The following PLPPR1 variants were observed in gnomAD, a reference collection of about 807,000 sequenced individuals.
PLPPR1 encodes phospholipid phosphatase related 1.
A neutral mutation model predicts 33.1 loss-of-function variants in PLPPR1; 10 were observed. That is an observed-to-expected ratio of 0.30 (90% CI 0.19 to 0.51). The LOEUF is 0.51. Ranked by LOEUF, PLPPR1 falls within the 20% of genes least tolerant of loss-of-function variation. The pLI, the probability that PLPPR1 is intolerant of heterozygous loss-of-function variation, is 0.97. For synonymous variants in PLPPR1, 151 were observed against 151.0 expected, an observed-to-expected ratio of 1.00 and a Z score of 0.00; for missense variants, 304 against 408.1, an observed-to-expected ratio of 0.74 and a Z score of 2.20.
intron 1 of PLPPR1, among the ~76,000 whole-genome samples, chr9:101,088,064 A>G (rs1830699828): frequency 6.6e-6 from 1 of 152,296 alleles, no homozygotes; most frequent in African/African-American, 2.4e-5. Flanking sequence ...GAGGACCCTT[A>G]CTGATAGTTT....
At chr9:101,037,668 C>T (rs1830026492) in intron 1 of PLPPR1, among the ~76,000 whole-genome samples, 1 of 152,168 alleles carries the variant, frequency 6.6e-6, no homozygotes, top group Admixed American at 6.5e-5. Flanking sequence ...AGGCAACCCA[C>T]ACACTCAAAT....
rs574199629 is a variant in PLPPR1, at chr9:101,235,149, A to G, written c.64-34731A>G. On this transcript the variant is annotated intron_variant, in intron 2 of 7. Coordinates refer to ENST00000374874, the MANE Select transcript of PLPPR1 (RefSeq NM_207299.2). ...GAAAAATTGTGGGTCTTGTGTGTCT[A>G]AGGTAAACAAGTGCAGCTCTTTAGC... 1.1e-4 allele frequency among the ~76,000 whole-genome samples: 16 copies of G among 152,014 alleles called. 1 individual carries two copies. In the South Asian group the frequency reaches 3.3e-3, roughly 31 times the overall value.
intron 1 of PLPPR1, among the ~76,000 whole-genome samples, chr9:101,069,955 G>A (rs1830463242): frequency 6.6e-6 from 1 of 152,192 alleles, no homozygotes; most frequent in East Asian, 1.9e-4. Flanking sequence ...TATGGGTTTT[G>A]GGGAGGAAAA....
intron 1 of PLPPR1, among the ~76,000 whole-genome samples, chr9:101,080,365 T>G (rs1283114060): frequency 6.6e-6 from 1 of 151,910 alleles, no homozygotes; most frequent in Admixed American, 6.6e-5. Context: ...TTTACAAAAA[T>G]TAGCAAGGCA....
chr9:101,217,938 T>C (rs1327364587), intron 2 of PLPPR1, among the ~76,000 whole-genome samples: 2 of 152,132 alleles, frequency 1.3e-5, no homozygotes, highest in Non-Finnish European at 2.9e-5. Context: ...GGAAAACATT[T>C]GAAGAACACA....
intron 1 of PLPPR1, among the ~76,000 whole-genome samples, chr9:101,043,270 C>T (rs1161861490): frequency 6.6e-6 from 1 of 151,252 alleles, no homozygotes; most frequent in African/African-American, 2.4e-5. Flanking sequence ...AGTATTCCAT[C>T]ATATATATAT....
At chr9:101,278,595 G>C (rs961226398) in intron 3 of PLPPR1, among the ~76,000 whole-genome samples, 1 of 152,180 alleles carries the variant, frequency 6.6e-6, no homozygotes, top group Non-Finnish European at 1.5e-5. Context: ...AGAGGGGTGT[G>C]AGAACAGGAC....
intron 2 of PLPPR1, among the ~76,000 whole-genome samples, chr9:101,240,478 T>C (rs1350611104): frequency 1.3e-5 from 2 of 151,978 alleles, no homozygotes; most frequent in Non-Finnish European, 2.9e-5. Context: ...CATCTGTGGA[T>C]TTCTTTGGGT....
intron 1 of PLPPR1, among the ~76,000 whole-genome samples, chr9:101,063,407 C>T (rs144229382): frequency 2.0e-5 from 3 of 152,058 alleles, no homozygotes; most frequent in Non-Finnish European, 2.9e-5. Flanking sequence ...GTTGTGAGTA[C>T]CCTTCTAGTG....
intron 1 of PLPPR1, among the ~76,000 whole-genome samples, chr9:101,118,792 G>A (rs903805281): frequency 6.6e-6 from 1 of 152,008 alleles, no homozygotes; most frequent in African/African-American, 2.4e-5. Context: ...TTGCCACATC[G>A]TGACTTATTT....
chr9:101,233,508 A>G (rs1827231644), intron 2 of PLPPR1, among the ~76,000 whole-genome samples: 1 of 151,968 alleles, frequency 6.6e-6, no homozygotes. Flanking sequence ...CAAAATTCAT[A>G]GTGAAATTTA....
At chr9:101,133,303 T>G (rs906402367) in intron 1 of PLPPR1, among the ~76,000 whole-genome samples, 5 of 152,006 alleles carry the variant, frequency 3.3e-5, no homozygotes, top group African/African-American at 1.2e-4. Context: ...TCTAATTATT[T>G]CCCCTGAGTT....
intron 1 of PLPPR1, among the ~76,000 whole-genome samples, chr9:101,033,722 A>C (rs1464387326): frequency 6.6e-6 from 1 of 152,164 alleles, no homozygotes; most frequent in Non-Finnish European, 1.5e-5. Context: ...AATCCTATTT[A>C]ATCTTGACAA....
intron 1 of PLPPR1, among the ~76,000 whole-genome samples, chr9:101,035,044 A>T (rs1829993045): frequency 6.6e-6 from 1 of 152,142 alleles, no homozygotes; most frequent in Non-Finnish European, 1.5e-5. Context: ...TAGTCTTTGC[A>T]CCTTCAGGCT....
At chr9:101,077,926 C>G (rs990195691) in intron 1 of PLPPR1, among the ~76,000 whole-genome samples, 2 of 151,218 alleles carry the variant, frequency 1.3e-5, no homozygotes, top group African/African-American at 4.9e-5. Flanking sequence ...AGACCTTTCA[C>G]TTTTATATGT....
intron 1 of PLPPR1, among the ~76,000 whole-genome samples, chr9:101,067,613 C>G (rs1003640430): frequency 6.6e-6 from 1 of 151,948 alleles, no homozygotes; most frequent in African/African-American, 2.4e-5. Flanking sequence ...TTTATTCTGC[C>G]GAGAGAGGTC....
chr9:101,154,084 T>C (rs1831639637), intron 1 of PLPPR1, among the ~76,000 whole-genome samples: 1 of 152,158 alleles, frequency 6.6e-6, no homozygotes, highest in Admixed American at 6.5e-5. Context: ...TGGATAAGCT[T>C]TTTGATGTGC....
intron 4 of PLPPR1, among the ~76,000 whole-genome samples, chr9:101,299,476 T>C (rs1338991703): frequency 1.3e-5 from 2 of 152,180 alleles, no homozygotes; most frequent in Non-Finnish European, 1.5e-5. Context: ...CTCTGCTCAG[T>C]GCAGGGACTG....
At chr9:101,114,992 A>G (rs1193168863) in intron 1 of PLPPR1, among the ~76,000 whole-genome samples, 1 of 152,184 alleles carries the variant, frequency 6.6e-6, no homozygotes, top group East Asian at 1.9e-4. Context: ...GTAGCTAATT[A>G]TGTTTCTCAG....
Sources: gnomAD v4.1 joint callset for allele counts (sites outside exome capture counted in the v4.1 genomes callset) on GRCh38, gnomAD v4.1.1 for gene constraint, MANE v1.5 for transcripts, NCBI Gene and HGNC (gene_info 2026-07-23, HGNC 2026-07-21) for gene names.